SLF1: variants seen among roughly 807,000 people sequenced by gnomAD.
The protein encoded by SLF1 is SMC5-SMC6 complex localization factor protein 1.
In SLF1, 105 loss-of-function variants were observed where a neutral mutation model predicts 123.0. That is an observed-to-expected ratio of 0.85 (90% CI 0.73 to 1.00). The LOEUF is 1.00. SLF1 is among the 50% of genes least tolerant of loss of function. The probability of loss-of-function intolerance (pLI) is 0.00; values close to 1 mark genes in which losing one functional copy is unlikely to be tolerated. For synonymous variants in SLF1, 434 were observed against 406.6 expected, an observed-to-expected ratio of 1.07 and a Z score of -0.81; for missense variants, 1,239 against 1,223.0, an observed-to-expected ratio of 1.01 and a Z score of -0.20.
intron 1 of SLF1, 76 bp from the exon 2 acceptor site, chr5:94,628,735 G>A: frequency 2.1e-6 from 2 of 942,942 alleles, no homozygotes; most frequent in Non-Finnish European, 3.0e-6. Flanking sequence ...AGTACTCATA[G>A]TTAAGAAAAA....
intron 12 of SLF1, 85 bp from the exon 13 acceptor site, chr5:94,670,066 G>A: frequency 2.4e-6 from 3 of 1,270,174 alleles, no homozygotes; most frequent in East Asian, 6.0e-5. Flanking sequence ...AATTCCAGCA[G>A]TATTCTAGAA....
chr5:94,678,209 C>T (rs1213854666), intron 14 of SLF1, among the ~76,000 whole-genome samples: 8 of 152,084 alleles, frequency 5.3e-5, no homozygotes, highest in Admixed American at 2.0e-4. Context: ...CGTGAGCCAC[C>T]GCGCCCGGCC....
intron 4 of SLF1, among the ~76,000 whole-genome samples, chr5:94,633,520 T>G (rs1745435718): frequency 6.6e-6 from 1 of 152,214 alleles, no homozygotes; most frequent in Non-Finnish European, 1.5e-5. Context: ...AAGGCAAGGA[T>G]GCTGACTCTT....
At position 94,691,549 on chromosome 5, in the gene SLF1, A is replaced by C; in HGVS notation, c.2420-15A>C. On this transcript the variant is annotated splice_polypyrimidine_tract_variant and intron_variant, in intron 18 of 20. Coordinates refer to ENST00000265140, the MANE Select transcript of SLF1 (RefSeq NM_032290.4). ...CTTGTCTTCTCTGGAATAATCTATTAATTTTTTATGGCAGGAGAAACAGCC... is the reference window on the plus strand; with the variant it reads ...CTTGTCTTCTCTGGAATAATCTATTCATTTTTTATGGCAGGAGAAACAGCC... The C allele has an allele frequency of 6.3e-7, 1 of 1,597,522 alleles. No individual in the cohort carries two copies. The highest frequency in any genetic ancestry group is 8.5e-7 in the Non-Finnish European group (1 of 1,169,860).
At chr5:94,663,514 C>T (rs189301385) in intron 10 of SLF1, among the ~76,000 whole-genome samples, 2 of 152,254 alleles carry the variant, frequency 1.3e-5, no homozygotes, top group Admixed American at 6.5e-5. Flanking sequence ...TGTGGTGGCA[C>T]GCATCCATAG....
chr5:94,692,131 T>C lies in SLF1; in HGVS notation c.2570T>C (p.Val857Ala). ...TGTAACTATGGCAACACAGTGTGTG[T>C]CCAGGAAATTTTGCAACGTTGTCCA... ...EACNYGNTVC[V>A]QEILQRCPEV... The change falls in exon 20 of 21, where the codon GTC becomes GCC. Residue 857 changes from valine (V) to alanine (A), a missense_variant. Val to Ala is a moderately conservative substitution (Grantham distance 64). Transcript: ENST00000265140. 1 of 1,613,880 alleles carries C rather than the reference T, an allele frequency of 6.2e-7. No individual in the cohort carries two copies. The highest frequency in any genetic ancestry group is 8.5e-7 in the Non-Finnish European group (1 of 1,179,858).
intron 20 of SLF1, among the ~76,000 whole-genome samples, chr5:94,694,609 G>A (rs777722317): frequency 1.3e-5 from 2 of 151,626 alleles, no homozygotes; most frequent in African/African-American, 4.8e-5. Context: ...ATTTAACGGA[G>A]GCATGCACGT....
At chr5:94,679,877 A>T (rs574588949) in intron 15 of SLF1, among the ~76,000 whole-genome samples, 2 of 152,136 alleles carry the variant, frequency 1.3e-5, no homozygotes, top group Non-Finnish European at 2.9e-5. Context: ...TAAAGACCTT[A>T]TGTAGATTCC....
intron 14 of SLF1, among the ~76,000 whole-genome samples, chr5:94,677,224 T>C (rs1455360658): frequency 6.6e-6 from 1 of 152,176 alleles, no homozygotes; most frequent in Non-Finnish European, 1.5e-5. Context: ...AGACAAAGTG[T>C]GAAAATAATA....
At chr5:94,646,893 A>G (rs1747135695) in intron 5 of SLF1, among the ~76,000 whole-genome samples, 1 of 152,194 alleles carries the variant, frequency 6.6e-6, no homozygotes. Flanking sequence ...CTGAGTGATT[A>G]TTATGGGTCA....
chr5:94,630,157 A>G (rs1368682518), intron 3 of SLF1, among the ~76,000 whole-genome samples: 2 of 152,190 alleles, frequency 1.3e-5, no homozygotes, highest in Non-Finnish European at 2.9e-5. Context: ...CAGTAATACC[A>G]CATTTTATTT....
intron 9 of SLF1, among the ~76,000 whole-genome samples, chr5:94,656,386 G>A (rs1209592447): frequency 4.0e-5 from 6 of 151,812 alleles, no homozygotes; most frequent in African/African-American, 7.2e-5. Flanking sequence ...GTTGGATTTA[G>A]TTTGCTAGCA....
intron 11 of SLF1, 81 bp from the exon 12 acceptor site, chr5:94,665,780 G>A (rs1749682113): frequency 2.4e-6 from 3 of 1,256,922 alleles, no homozygotes; most frequent in African/African-American, 1.5e-5. Context: ...CAGGGTTACT[G>A]TTTTGGTTTT....
At chr5:94,657,694 C>T (rs1748574589) in intron 9 of SLF1, among the ~76,000 whole-genome samples, 1 of 151,994 alleles carries the variant, frequency 6.6e-6, no homozygotes, top group South Asian at 2.1e-4. Context: ...GATCTAGGTG[C>T]TCCAAGATCT....
intron 15 of SLF1, among the ~76,000 whole-genome samples, chr5:94,682,570 T>C (rs1002947290): frequency 6.6e-6 from 1 of 152,206 alleles, no homozygotes; most frequent in Non-Finnish European, 1.5e-5. Flanking sequence ...ACAACTGAGA[T>C]TCACATCTAT....
At chr5:94,623,797 T>C (rs540062407) in intron 1 of SLF1, among the ~76,000 whole-genome samples, 2 of 152,212 alleles carry the variant, frequency 1.3e-5, no homozygotes, top group South Asian at 4.1e-4. Context: ...ATCAGGTTTA[T>C]TGTATTCTTA....
intron 15 of SLF1, among the ~76,000 whole-genome samples, chr5:94,683,403 G>GT (rs1281428839): frequency 6.6e-6 from 1 of 152,032 alleles, no homozygotes; most frequent in Non-Finnish European, 1.5e-5. Context: ...GGTCCTTGTG[G>GT]TTTTTTTATT....
At chr5:94,686,739 G>A (rs188603211) in intron 16 of SLF1, 21 bp downstream of exon 16, 1 of 1,582,800 alleles carries the variant, frequency 6.3e-7, no homozygotes, top group Non-Finnish European at 8.6e-7. Context: ...CTCTATTCTG[G>A]TTCTTTACAT....
chr5:94,655,827 T>A (rs1229932024), intron 9 of SLF1, among the ~76,000 whole-genome samples: 4 of 152,124 alleles, frequency 2.6e-5, no homozygotes, highest in Non-Finnish European at 4.4e-5. Flanking sequence ...AATTCATTTA[T>A]CAGTTTTAAG....
Sources: allele counts gnomAD v4.1 joint callset (sites outside exome capture counted in the v4.1 genomes callset), GRCh38; gene constraint gnomAD v4.1.1; transcripts MANE v1.5; gene names NCBI Gene and HGNC (gene_info 2026-07-23, HGNC 2026-07-21).